Variants in ENG observed in about 807,000 individuals in gnomAD.
ENG encodes the protein endoglin, also known as CD105 antigen.
In ENG, 17 loss-of-function variants were observed where a neutral mutation model predicts 71.0. The ratio of observed to expected loss-of-function variants is 0.24; its 90% CI spans 0.16 to 0.36. The LOEUF (loss-of-function observed/expected upper bound fraction) is 0.36, where lower values mean the gene tolerates loss of function less well. Ranked by LOEUF, ENG falls within the 10% of genes least tolerant of loss-of-function variation. The pLI is 1.00. For missense variants in ENG, 749 were observed against 868.3 expected (o/e 0.86, Z 1.73); for synonymous variants, 360 against 366.9 (o/e 0.98, Z 0.21).
intron 2 of ENG, among the ~76,000 whole-genome samples, chr9:127,840,674 G>A (rs1046816158): frequency 1.3e-5 from 2 of 152,156 alleles, no homozygotes; most frequent in Non-Finnish European, 2.9e-5. Flanking sequence ...CAGATGCTAT[G>A]CGAGGTGCTG....
At chr9:127,833,156 G>A (rs1564459113) in intron 2 of ENG, among the ~76,000 whole-genome samples, 1 of 152,186 alleles carries the variant, frequency 6.6e-6, no homozygotes, top group Non-Finnish European at 1.5e-5. Context: ...CAATCTACAA[G>A]CCAGTGTCTA....
chr9:127,827,638 G>A (rs1830654488), intron 3 of ENG, among the ~76,000 whole-genome samples: 1 of 152,114 alleles, frequency 6.6e-6, no homozygotes, highest in Non-Finnish European at 1.5e-5. Context: ...GCTTCGGGTT[G>A]GATTTAAAAA....
At chr9:127,853,136 G>A (rs1342017620) in intron 1 of ENG, among the ~76,000 whole-genome samples, 1 of 152,142 alleles carries the variant, frequency 6.6e-6, no homozygotes, top group African/African-American at 2.4e-5. Flanking sequence ...TTAGGGAGCC[G>A]CAGGCCGGGA....
At chr9:127,815,833 G>T in intron 14 of ENG, 27 bp from the exon 15 acceptor site, 1 of 1,548,468 alleles carries the variant, frequency 6.5e-7, no homozygotes, top group Non-Finnish European at 8.7e-7. Context: ...GGGCAGGGGC[G>T]GAGGTCAGGG....
chr9:127,842,570 G>A (rs923138994), intron 2 of ENG, among the ~76,000 whole-genome samples: 4 of 151,978 alleles, frequency 2.6e-5, no homozygotes, highest in African/African-American at 9.6e-5. Flanking sequence ...GATTACAGGC[G>A]CTCACCACCA....
At position 127,842,721 on chromosome 9, in the gene ENG, C is replaced by A. The variant is rs563506253; in HGVS notation, c.219+373G>T. Among the ~76,000 whole-genome samples, 6 of 152,288 alleles carry A rather than the reference C, an allele frequency of 3.9e-5. No homozygotes were observed. In the East Asian group the frequency reaches 1.2e-3, roughly 29 times the overall value. ...TACAGGCGTGAGCCACTGTGGCTGG[C>A]CCAAGAAGCACTTTTCAAAGTCCAA... On this transcript the variant is annotated intron_variant, in intron 2 of 14. Coordinates refer to ENST00000373203, the MANE Select transcript of ENG (RefSeq NM_001114753.3).
chr9:127,816,938 C>G, intron 13 of ENG: 1 of 632,518 alleles, frequency 1.6e-6, no homozygotes, highest in Non-Finnish European at 2.8e-6. Flanking sequence ...CGGTCCCGGG[C>G]AAGGGCTCTC....
chr9:127,819,901 T>A lies in ENG; in HGVS notation c.1271A>T (p.Glu424Val). The change falls in exon 9 of 15, where the codon GAG (glutamate) becomes GTG (valine). Residue 424 changes from glutamate (E) to valine (V), a missense_variant and splice_region_variant. Physicochemically the swap from Glu to Val is moderately radical, Grantham distance 121. Transcript: ENST00000373203. ...TACCTTTTTGGCCCCAGCTCTTACC[T>A]CATTGCTGATCATACTTGCTGACAC... The part of the protein sequence containing the change: ...MQVSASMISN[E>V]AVVNILSSSS... 6.2e-7 allele frequency: 1 copy of A among 1,614,200 alleles called. No homozygotes were observed. The highest frequency in any genetic ancestry group is 8.5e-7 in the Non-Finnish European group (1 of 1,180,040).
At chr9:127,829,997 G>A (rs1390798621) in intron 2 of ENG, among the ~76,000 whole-genome samples, 170 bp from the exon 3 acceptor site, 1 of 151,932 alleles carries the variant, frequency 6.6e-6, no homozygotes, top group East Asian at 1.9e-4. Context: ...CCATCCTCAG[G>A]GAATTCACAA....
Position 127,854,375 on chromosome 9 carries a change from G to A in ENG, c.-20C>T. On this transcript the variant is annotated 5_prime_UTR_variant, in exon 1 of 15. Transcript: ENST00000373203. ...GTCCATGCTGTCCACGTGGGGGCCT[G>A]TGCGCTGGGCCTTATCCTGTGTCCA... The A allele has an allele frequency of 1.3e-6, 2 of 1,574,406 alleles. No homozygotes were observed. Among genetic ancestry groups the A allele is most frequent in the Non-Finnish European group, 1.7e-6 (2 of 1,160,588 alleles).
In ENG at chr9:127,815,725, C is replaced by G. The variant is rs762200397; in HGVS notation, c.1934G>C (p.Gly645Ala). 47 of 1,560,166 alleles carry G rather than the reference C, an allele frequency of 3.0e-5. No individual in the cohort carries two copies. The highest frequency in any genetic ancestry group is 9.3e-5 in the Admixed American group (5 of 53,590). ...GGAGCAGGGGGTGCTCTGGGTGCTCCCGATGCTGTGGTTGGTGCTGCTGCT... is the reference window on the plus strand; with the variant it reads ...GGAGCAGGGGGTGCTCTGGGTGCTCGCGATGCTGTGGTTGGTGCTGCTGCT... ...SESSSTNHSI[G>A]STQSTPCSTS... The change falls in exon 15 of 15, where the codon GGG (glycine) becomes GCG (alanine). Residue 645 changes from glycine (G) to alanine (A), a missense_variant. By Grantham distance (60) the Gly-to-Ala change is moderately conservative. Transcript: ENST00000373203.
intron 8 of ENG, among the ~76,000 whole-genome samples, chr9:127,821,921 A>G (rs1830477616): frequency 2.1e-5 from 3 of 142,822 alleles, no homozygotes; most frequent in Non-Finnish European, 3.0e-5. Context: ...GTGGTGGTGC[A>G]CGCCTGTATT....
In ENG at chr9:127,829,812, C is replaced by T. The variant is rs763992842; in HGVS notation, c.235G>A (p.Glu79Lys). 6.2e-7 allele frequency: 1 copy of T among 1,614,046 alleles called. No individual in the cohort carries two copies. The highest frequency in any genetic ancestry group is 1.1e-5 in the South Asian group (1 of 91,078). The change falls in exon 3 of 15, where the codon GAG becomes AAG. Residue 79 changes from glutamate to lysine, a missense_variant. Coordinates refer to ENST00000373203, the MANE Select transcript of ENG (RefSeq NM_001114753.3). ...TGCTTGGATGCCTGGAGAGTCAGCT[C>T]CAGCTGTGACGGGCCCTGGGGGACA... The part of the protein sequence containing the change: ...LEFPTGPSQL[E>K]LTLQASKQNG...
chr9:127,820,181 GTCA>G lies in ENG; in HGVS notation c.1135-147_1135-145del, dbSNP rs902943572. ...TGCTCCCTCTTCATTTTTGTTAGAT[GTCA>G]TCATCCTACACCACTTAAAAGTTCT... On this transcript the variant is annotated intron_variant, in intron 8 of 14. Transcript: ENST00000373203. 5 of 1,201,952 alleles carry G rather than the reference GTCA, an allele frequency of 4.2e-6. No individual in the cohort carries two copies. The African/African-American group carries it at 7.7e-5, about 18-fold the overall frequency. The allele number at this position is 1,201,952 out of a possible 1,614,324, so 74.5% of individuals were successfully genotyped here.
chr9:127,826,568 G>A lies in ENG; in HGVS notation c.465C>T (p.Pro155=). The change falls in exon 4 of 15, where the codon CCC becomes CCT. Residue 155 remains proline (P), a synonymous_variant. Transcript: ENST00000373203. ...QILEWAAERG[P]ITSAAELNDP... ...CATTCAGCTCAGCAGCAGAGGTGAT[G>A]GGGCCCCTCTCAGCTGCCCACTCAA... is the stretch of plus-strand genomic sequence containing the variant. 1 of 1,614,104 alleles carries A rather than the reference G, an allele frequency of 6.2e-7. No homozygotes were observed. The highest frequency in any genetic ancestry group is 2.2e-5 in the East Asian group (1 of 44,886).
rs1388430497 is a variant in ENG at position 127,829,714 on chromosome 9, G to A, written c.333C>T (p.Ala111=). 20 of 1,614,002 alleles carry A rather than the reference G, an allele frequency of 1.2e-5. No homozygotes were observed. Among genetic ancestry groups the A allele is most frequent in the Non-Finnish European group, 1.6e-5 (19 of 1,180,026 alleles). The change falls in exon 3 of 15, where the codon GCC becomes GCT. Residue 111 remains alanine (A), a synonymous_variant. Coordinates refer to ENST00000373203, the MANE Select transcript of ENG (RefSeq NM_001114753.3). ...VNSSVFLHLQ[A]LGIPLHLAYN... ...AGGCCAAGTGCAGTGGGATTCCCAG[G>A]GCCTGGAGATGCAGGAAGACACTGC...
chr9:127,817,048 G>T, intron 13 of ENG, 101 bp downstream of exon 13: 2 of 1,369,758 alleles, frequency 1.5e-6, no homozygotes, highest in Non-Finnish European at 2.1e-6. Flanking sequence ...GGTCCCCCTT[G>T]CCATGTGCTA....
chr9:127,834,554 G>A (rs1830851076), intron 2 of ENG, among the ~76,000 whole-genome samples: 1 of 152,184 alleles, frequency 6.6e-6, no homozygotes, highest in African/African-American at 2.4e-5. Flanking sequence ...ACAGGCACCT[G>A]CCACTGCGCC....
Position 127,846,090 on chromosome 9 carries a change from T to G in ENG, c.68-2845A>C, listed in dbSNP as rs1313171306. Among the ~76,000 whole-genome samples, 1 of 152,028 alleles carries G rather than the reference T, an allele frequency of 6.6e-6. No individual in the cohort carries two copies. The highest frequency in any genetic ancestry group is 1.5e-5 in the Non-Finnish European group (1 of 67,994). ...CTGTAGAATTGACTGTTCTAAGGGG[T>G]GGGGTGAAGTGGCGGGATGGGGTGG... On this transcript the variant is annotated intron_variant, in intron 1 of 14. Coordinates refer to ENST00000373203, the MANE Select transcript of ENG (RefSeq NM_001114753.3). The surrounding 1 kb of genome is among the most constrained non-coding windows in gnomAD (Gnocchi z 5.5).
Sources: gnomAD v4.1 joint callset for allele counts (sites outside exome capture counted in the v4.1 genomes callset) on GRCh38, gnomAD v4.1.1 for gene constraint, Gnocchi (gnomAD v3.1) non-coding constraint, MANE v1.5 for transcripts, NCBI Gene and HGNC (gene_info 2026-07-23, HGNC 2026-07-21) for gene names.